FGD4: variants seen among roughly 807,000 people sequenced by gnomAD.
FGD4 encodes the protein FYVE, RhoGEF and PH domain containing 4, also known as FYVE, RhoGEF and PH domain-containing protein 4.
In FGD4, 42 loss-of-function variants were observed where a neutral mutation model predicts 102.0. The observed-to-expected ratio is 0.41, with a 90% CI of 0.32 to 0.53. The LOEUF is 0.53. FGD4 is among the 20% of genes least tolerant of loss of function. The pLI, the probability that FGD4 is intolerant of heterozygous loss-of-function variation, is 0.21. For synonymous variants in FGD4, 380 were observed against 375.7 expected (o/e 1.01, Z -0.13); for missense variants, 902 against 1,078.2 (o/e 0.84, Z 2.29).
Position 32,422,360 on chromosome 12 carries a change from G to A in FGD4, c.166+22401G>A, listed in dbSNP as rs184069615. ...GTCACCCAGGCTGGAGTGCAGTGGT[G>A]GGATCTCGGTTCACTACAAGCTCCG... is the stretch of plus-strand genomic sequence containing the variant. On this transcript the variant is annotated intron_variant, in intron 1 of 16. Transcript: ENST00000534526. Among the ~76,000 whole-genome samples, 707 of 120,808 alleles carry A rather than the reference G, an allele frequency of 5.9e-3. 3 individuals are homozygous for A. The highest frequency in any genetic ancestry group is 0.038 in the Middle Eastern group (6 of 158). 79.3% of individuals were successfully genotyped at this position (120,808 alleles called of 152,430 possible).
rs145678288 is a variant in FGD4 at position 32,583,961 on chromosome 12, C to T, written c.1011+1494C>T. Reference sequence around the variant, plus strand: ...TATAAAATAGTAAGAGCTGTTCTTACAAAGAAAAATATTCTAATTGGTGAT... The same window carrying T: ...TATAAAATAGTAAGAGCTGTTCTTATAAAGAAAAATATTCTAATTGGTGAT... On this transcript the variant is annotated intron_variant, in intron 4 of 16. Coordinates refer to ENST00000534526, the MANE Select transcript of FGD4 (RefSeq NM_001370298.3). Among the ~76,000 whole-genome samples the T allele has an allele frequency of 1.1e-3, 163 of 152,254 alleles. 1 individual carries two copies. The highest frequency in any genetic ancestry group is 3.8e-3 in the African/African-American group (156 of 41,546).
intron 1 of FGD4, among the ~76,000 whole-genome samples, chr12:32,467,522 T>A (rs1241811919): frequency 6.6e-6 from 1 of 152,236 alleles, no homozygotes; most frequent in Non-Finnish European, 1.5e-5. Context: ...TATTGTCTCA[T>A]ATAAACCTTG....
intron 6 of FGD4, among the ~76,000 whole-genome samples, chr12:32,601,910 C>A (rs1948453746): frequency 6.6e-6 from 1 of 152,034 alleles, no homozygotes; most frequent in African/African-American, 2.4e-5. Flanking sequence ...AGTTCAAGAC[C>A]AGCCTGGGCA....
chr12:32,546,865 A>C (rs1943265790), intron 1 of FGD4, among the ~76,000 whole-genome samples: 1 of 152,230 alleles, frequency 6.6e-6, no homozygotes, highest in Non-Finnish European at 1.5e-5. Context: ...AGTGGTTCAA[A>C]GCTGGAAACA....
At chr12:32,490,195 A>G (rs1944040693) in intron 1 of FGD4, among the ~76,000 whole-genome samples, 2 of 152,192 alleles carry the variant, frequency 1.3e-5, no homozygotes, top group South Asian at 2.1e-4. Context: ...TTTGCCCACT[A>G]TATTTTAGTG....
At chr12:32,404,483 A>G (rs916625287) in intron 1 of FGD4, among the ~76,000 whole-genome samples, 6 of 152,052 alleles carry the variant, frequency 3.9e-5, no homozygotes, top group Non-Finnish European at 7.4e-5. Context: ...AATAGGTGGT[A>G]TTATTACAAT....
At chr12:32,562,465 G>A (rs1944695724) in intron 1 of FGD4, among the ~76,000 whole-genome samples, 1 of 152,134 alleles carries the variant, frequency 6.6e-6, no homozygotes, top group Non-Finnish European at 1.5e-5. Context: ...CGCAGAGGGG[G>A]ATTTGGCAGG....
At chr12:32,566,676 A>G (rs1459839044) in intron 2 of FGD4, among the ~76,000 whole-genome samples, 3 of 151,606 alleles carry the variant, frequency 2.0e-5, no homozygotes, top group African/African-American at 7.3e-5. Flanking sequence ...AACAGTACCC[A>G]GTAATGAGTG....
chr12:32,477,141 A>G (rs962685141), intron 1 of FGD4, among the ~76,000 whole-genome samples: 1 of 152,154 alleles, frequency 6.6e-6, no homozygotes, highest in African/African-American at 2.4e-5. Flanking sequence ...TACAAAAATT[A>G]GCCGGGCGTG....
intron 4 of FGD4, among the ~76,000 whole-genome samples, chr12:32,585,414 T>C (rs1330545059): frequency 6.6e-6 from 1 of 151,718 alleles, no homozygotes; most frequent in East Asian, 1.9e-4. Context: ...AGTGTGCCAG[T>C]CTCACTCTCC....
chr12:32,627,437 AGCCACTGCACCTG>A (rs1950251824), intron 14 of FGD4, among the ~76,000 whole-genome samples: 1 of 152,216 alleles, frequency 6.6e-6, no homozygotes, highest in South Asian at 2.1e-4. Context: ...TACAGGCGTG[AGCCACTGCACCTG>A]GCCCCATTTT....
At chr12:32,633,432 A>C in intron 14 of FGD4, 117 bp from the exon 15 acceptor site, 1 of 1,129,866 alleles carries the variant, frequency 8.9e-7, no homozygotes, top group South Asian at 1.4e-5. Context: ...TTCCTTTTCT[A>C]ACAAAAATCT....
intron 7 of FGD4, among the ~76,000 whole-genome samples, chr12:32,606,291 A>G (rs894281912): frequency 3.9e-5 from 5 of 128,748 alleles, no homozygotes; most frequent in Non-Finnish European, 8.3e-5. Flanking sequence ...CTTCCAAACT[A>G]GTTTCCCCCG....
At chr12:32,634,456 C>T (rs144044706) in intron 15 of FGD4, among the ~76,000 whole-genome samples, 14 of 152,086 alleles carry the variant, frequency 9.2e-5, no homozygotes, top group African/African-American at 3.4e-4. Context: ...AAATGTCTCC[C>T]AAGTTAATTT....
At chr12:32,430,306 T>C (rs931288343) in intron 1 of FGD4, among the ~76,000 whole-genome samples, 3 of 151,062 alleles carry the variant, frequency 2.0e-5, no homozygotes, top group African/African-American at 7.3e-5. Context: ...AGACTCTGTC[T>C]CAAAAAAGAA....
intron 1 of FGD4, among the ~76,000 whole-genome samples, chr12:32,401,903 ATTT>A (rs537785812): frequency 1.2e-5 from 1 of 85,066 alleles, no homozygotes. Flanking sequence ...ATTTTTGTAC[ATTT>A]TTTTTTTTTT....
chr12:32,578,302 T>C (rs2136393522), intron 3 of FGD4, among the ~76,000 whole-genome samples: 1 of 152,336 alleles, frequency 6.6e-6, no homozygotes, highest in African/African-American at 2.4e-5. Context: ...CTAAAGTGTT[T>C]GTGTGGGTTA....
intron 1 of FGD4, among the ~76,000 whole-genome samples, chr12:32,455,106 G>A (rs1287865564): frequency 6.6e-6 from 1 of 152,134 alleles, no homozygotes; most frequent in Admixed American, 6.6e-5. Context: ...AAGAAGAAAC[G>A]AGGAAGATTG....
chr12:32,552,998 T>C (rs989995379), intron 1 of FGD4, among the ~76,000 whole-genome samples: 1 of 149,738 alleles, frequency 6.7e-6, no homozygotes, highest in Admixed American at 6.7e-5. Context: ...TTCTCCATGT[T>C]GGTCAGGCTG....
Sources: allele counts gnomAD v4.1 joint callset (sites outside exome capture counted in the v4.1 genomes callset), GRCh38; gene constraint gnomAD v4.1.1; transcripts MANE v1.5; gene names NCBI Gene and HGNC (gene_info 2026-07-23, HGNC 2026-07-21).